The following LRRC43 variants were observed in gnomAD, a reference collection of about 807,000 sequenced individuals.
LRRC43 encodes the protein leucine-rich repeat-containing protein 43.
Under a neutral mutation model 64.3 loss-of-function variants are expected in LRRC43, and 62 were observed. That is an observed-to-expected ratio of 0.96 (90% CI 0.79 to 1.19). The LOEUF (loss-of-function observed/expected upper bound fraction) is 1.19, where lower values mean the gene tolerates loss of function less well. Ranked by LOEUF, LRRC43 falls within the 50% of genes most tolerant of loss-of-function variation. LRRC43 has a pLI of 0.00. For missense variants in LRRC43, 868 were observed against 845.0 expected, an observed-to-expected ratio of 1.03 and a Z score of -0.34; for synonymous variants, 422 against 382.3, an observed-to-expected ratio of 1.10 and a Z score of -1.21.
chr12:122,168,677 TTTG>T (rs1953460528), intron 1 of LRRC43, among the ~76,000 whole-genome samples: 1 of 152,178 alleles, frequency 6.6e-6, no homozygotes, highest in Non-Finnish European at 1.5e-5. Context: ...TAAGTGGGAA[TTTG>T]TTAAGTAACT....
intron 7 of LRRC43, among the ~76,000 whole-genome samples, chr12:122,194,365 G>A (rs913279556): frequency 2.7e-5 from 4 of 149,638 alleles, no homozygotes; most frequent in Admixed American, 1.3e-4. Context: ...TCAGGAGGTC[G>A]AGACCCGCCT....
chr12:122,198,179 C>T (rs1489909272), intron 7 of LRRC43, among the ~76,000 whole-genome samples: 3 of 152,060 alleles, frequency 2.0e-5, no homozygotes, highest in African/African-American at 7.2e-5. Flanking sequence ...CAGGGTTTCA[C>T]CGTGTTGGCC....
chr12:122,191,531 AG>A lies in LRRC43; in HGVS notation c.1055del (p.Gly352AlafsTer3). On this transcript the variant is annotated frameshift_variant, in exon 6 of 12. Coordinates refer to ENST00000339777, the MANE Select transcript of LRRC43 (RefSeq NM_001098519.2). LOFTEE classifies it high-confidence loss of function. ...VTYDFVKDEE[G>X]EMNESAGVLA... Reference sequence around the variant, plus strand: ...CCTATGATTTTGTGAAAGATGAAGAAGGCGAAATGAATGAGTCCGCGGGCGT... The same window carrying A: ...CCTATGATTTTGTGAAAGATGAAGAAGCGAAATGAATGAGTCCGCGGGCGT... 1 of 1,614,174 alleles carries A rather than the reference AG, an allele frequency of 6.2e-7. No individual in the cohort carries two copies.
At chr12:122,182,352 C>G (rs879562272), upstream of LRRC43, among the ~76,000 whole-genome samples, 1 of 151,906 alleles carries the variant, frequency 6.6e-6, no homozygotes, top group Non-Finnish European at 1.5e-5. Context: ...GGTGAAACCC[C>G]GTCTCTACTA....
At chr12:122,181,037 G>A (rs536521720), upstream of LRRC43, among the ~76,000 whole-genome samples, 6 of 151,624 alleles carry the variant, frequency 4.0e-5, no homozygotes, top group Admixed American at 6.6e-5. Flanking sequence ...GCAACATGGC[G>A]AAACCCCATC....
At chr12:122,203,190 C>A in intron 11 of LRRC43, 125 bp from the exon 12 acceptor site, 1 of 945,220 alleles carries the variant, frequency 1.1e-6, no homozygotes, top group Non-Finnish European at 1.6e-6. Context: ...TGTTAACACC[C>A]GAGGACCAAA....
chr12:122,200,400 G>A lies in LRRC43; in HGVS notation c.1491+70G>A, dbSNP rs1367488612. On this transcript the variant is annotated intron_variant, in intron 8 of 11. Transcript: ENST00000339777. The surrounding 1 kb of genome is among the most constrained non-coding windows in gnomAD (Gnocchi z 4.6). ...CTGTCCTTGTTCCTGTTCCCATCGG[G>A]CTGTCCCCCATGGGAGCCGCACTCC... The A allele has an allele frequency of 6.2e-7, 1 of 1,608,634 alleles. No homozygotes were observed. The highest frequency in any genetic ancestry group is 1.3e-5 in the African/African-American group (1 of 74,940).
intron 1 of LRRC43, among the ~76,000 whole-genome samples, chr12:122,175,568 A>C (rs1437148314): frequency 5.3e-5 from 8 of 149,562 alleles, no homozygotes; most frequent in Non-Finnish European, 1.5e-5. Context: ...CAGTGGCATC[A>C]TCACAACTCA....
chr12:122,171,521 G>A (rs1953484934), intron 1 of LRRC43, among the ~76,000 whole-genome samples: 1 of 151,652 alleles, frequency 6.6e-6, no homozygotes, highest in South Asian at 2.1e-4. Flanking sequence ...TAATTTTTTT[G>A]TTTTGTTTTG....
Position 122,200,479 on chromosome 12 carries a change from C to G in LRRC43, c.1492-53C>G. On this transcript the variant is annotated intron_variant, in intron 8 of 11. Transcript: ENST00000339777. This position sits in a 1 kb window ranked among gnomAD's most constrained non-coding sequence, Gnocchi z 4.6. Reference sequence around the variant, plus strand: ...CAGAAAGGGTGAGGGAGAGGTGACCCCAGGCAGCCCGCCTGGGCCTCTGCT... The same window carrying G: ...CAGAAAGGGTGAGGGAGAGGTGACCGCAGGCAGCCCGCCTGGGCCTCTGCT... 6.2e-7 allele frequency: 1 copy of G among 1,613,220 alleles called. No homozygotes were observed. The highest frequency in any genetic ancestry group is 8.5e-7 in the Non-Finnish European group (1 of 1,179,492).
chr12:122,183,139 C>A lies in LRRC43; in HGVS notation c.-6C>A, dbSNP rs759632711. 6.5e-7 allele frequency: 1 copy of A among 1,537,686 alleles called. No homozygotes were observed. Among genetic ancestry groups the A allele is most frequent in the Non-Finnish European group, 8.7e-7 (1 of 1,148,034 alleles). ...CTAGCGGTTGCCGGGCAACGCGGCC[C>A]GGGCCATGGAGGCGTCGTACGAGTC... On this transcript the variant is annotated 5_prime_UTR_variant, in exon 1 of 12. Transcript: ENST00000339777.
At chr12:122,169,072 A>G (rs1953462983) in intron 1 of LRRC43, among the ~76,000 whole-genome samples, 1 of 152,116 alleles carries the variant, frequency 6.6e-6, no homozygotes, top group Non-Finnish European at 1.5e-5. Flanking sequence ...GCGTGGGCTC[A>G]CTGGCCAGAG....
chr12:122,177,033 A>G (rs1660367174), intron 1 of LRRC43, among the ~76,000 whole-genome samples: 1 of 152,098 alleles, frequency 6.6e-6, no homozygotes, highest in Admixed American at 6.6e-5. Flanking sequence ...TGTAATCAAT[A>G]TCCTCTAGCA....
Position 122,200,847 on chromosome 12 carries a change from C to T in LRRC43, c.1722C>T (p.Pro574=), listed in dbSNP as rs572339927. ...GCCGGGGCCTGGTGATCCTGGAGCC[C>T]CTGCTCGCCGGGGAGCCCCTGGTGT... ...VLGRGLVILE[P]LLAGEPLVST... is the part of the protein sequence containing the mutation. Residue 574 remains proline (P), a synonymous_variant, in exon 10 of 12, where the codon CCC becomes CCT. Transcript: ENST00000339777. This position sits in a 1 kb window ranked among gnomAD's most constrained non-coding sequence, Gnocchi z 4.6. 7 of 1,613,192 alleles carry T rather than the reference C, an allele frequency of 4.3e-6. No individual in the cohort carries two copies. Among genetic ancestry groups the T allele is most frequent in the South Asian group, 1.1e-5 (1 of 91,066 alleles).
At chr12:122,177,788 C>A (rs1953550189) in intron 1 of LRRC43, among the ~76,000 whole-genome samples, 1 of 151,858 alleles carries the variant, frequency 6.6e-6, no homozygotes, top group Non-Finnish European at 1.5e-5. Context: ...AGGCGTGAGC[C>A]ACTGCGCCTG....
At chr12:122,179,736 GC>G (rs1953565999), upstream of LRRC43, among the ~76,000 whole-genome samples, 2 of 152,152 alleles carry the variant, frequency 1.3e-5, no homozygotes, top group South Asian at 4.1e-4. Context: ...ACTTTGGGAG[GC>G]CGAGGCGGGC....
chr12:122,173,614 G>A (rs1038292665), intron 1 of LRRC43, among the ~76,000 whole-genome samples: 18 of 151,736 alleles, frequency 1.2e-4, no homozygotes, highest in African/African-American at 3.6e-4. Flanking sequence ...AACCCAGGAA[G>A]CAGAGGTTGC....
chr12:122,185,373 C>T (rs1953631698), intron 2 of LRRC43, among the ~76,000 whole-genome samples: 1 of 152,054 alleles, frequency 6.6e-6, no homozygotes, highest in Admixed American at 6.6e-5. Flanking sequence ...TACTCAGAGG[C>T]TTAGGCAGGA....
chr12:122,198,132 C>T (rs1364986598), intron 7 of LRRC43, among the ~76,000 whole-genome samples: 1 of 152,020 alleles, frequency 6.6e-6, no homozygotes, highest in Non-Finnish European at 1.5e-5. Flanking sequence ...AGGTGCCCAC[C>T]ACCATGCCCG....
Sources: allele counts gnomAD v4.1 joint callset (sites outside exome capture counted in the v4.1 genomes callset), GRCh38; gene constraint gnomAD v4.1.1; non-coding constraint Gnocchi (gnomAD v3.1); transcripts MANE v1.5; gene names NCBI Gene and HGNC (gene_info 2026-07-23, HGNC 2026-07-21).